The following RALB variants were observed in gnomAD, a reference collection of about 807,000 sequenced individuals.
RALB encodes RAS like proto-oncogene B.
A neutral mutation model predicts 21.3 loss-of-function variants in RALB; 16 were observed. That is an observed-to-expected ratio of 0.75 (90% CI 0.51 to 1.14). The LOEUF (loss-of-function observed/expected upper bound fraction) is 1.14. Among genes scored for constraint, RALB ranks in the 50% most tolerant of loss-of-function variants. RALB has a pLI of 0.00. For synonymous variants in RALB, 93 were observed against 96.1 expected (o/e 0.97, Z 0.19); for missense variants, 161 against 256.2 (o/e 0.63, Z 2.54).
intron 1 of RALB, among the ~76,000 whole-genome samples, chr2:120,266,701 A>G (rs2104605921): frequency 6.6e-6 from 1 of 152,258 alleles, no homozygotes; most frequent in East Asian, 1.9e-4. Flanking sequence ...ACAGAATGAG[A>G]CCTTGTCTTA....
At chr2:120,258,237 T>C (rs1689245779) in intron 1 of RALB, among the ~76,000 whole-genome samples, 1 of 152,248 alleles carries the variant, frequency 6.6e-6, no homozygotes, top group Non-Finnish European at 1.5e-5. Context: ...ATCCCGCCCT[T>C]CCTTACCTCC....
chr2:120,262,940 G>T (rs1689404140), intron 1 of RALB, among the ~76,000 whole-genome samples: 1 of 152,166 alleles, frequency 6.6e-6, no homozygotes, highest in South Asian at 2.1e-4. Context: ...ACGTAGGCAG[G>T]GCAGATATTG....
intron 1 of RALB, among the ~76,000 whole-genome samples, chr2:120,259,746 A>C (rs1442953594): frequency 1.3e-5 from 2 of 152,350 alleles, no homozygotes; most frequent in East Asian, 3.9e-4. Flanking sequence ...TGCGCCATGC[A>C]CTTGCATTCC....
chr2:120,293,137 C>G lies in RALB; in HGVS notation c.502-4C>G. 1 of 1,605,310 alleles carries G rather than the reference C, an allele frequency of 6.2e-7. No individual in the cohort carries two copies. The highest frequency in any genetic ancestry group is 8.5e-7 in the Non-Finnish European group (1 of 1,176,958). On this transcript the variant is annotated splice_region_variant and splice_polypyrimidine_tract_variant and intron_variant, in intron 4 of 4. Coordinates refer to ENST00000272519, the MANE Select transcript of RALB (RefSeq NM_002881.3). ...TCTTTTTACTCTTTACTCCTCACCC[C>G]CAGGTGTTCTTTGACCTAATGAGAG...
At chr2:120,257,529 A>C (rs1156665971) in intron 1 of RALB, among the ~76,000 whole-genome samples, 2 of 151,946 alleles carry the variant, frequency 1.3e-5, no homozygotes, top group Non-Finnish European at 2.9e-5. Flanking sequence ...TTTATAACGA[A>C]TATCCTTTGA....
chr2:120,285,109 G>A (rs192176374), intron 2 of RALB, among the ~76,000 whole-genome samples: 80 of 152,174 alleles, frequency 5.3e-4, no homozygotes, highest in African/African-American at 1.9e-3. Flanking sequence ...ACAGGGCTGG[G>A]GAGGCCTCAG....
chr2:120,294,218 G>A lies in RALB; in HGVS notation c.*958G>A. The A allele has an allele frequency of 2.5e-6, 1 of 398,590 alleles. No individual in the cohort carries two copies. Among genetic ancestry groups the A allele is most frequent in the Non-Finnish European group, 4.4e-6 (1 of 226,064 alleles). The allele number at this position is 398,590 out of a possible 1,614,324, so 24.7% of individuals were successfully genotyped here. On this transcript the variant is annotated 3_prime_UTR_variant, in exon 5 of 5. Coordinates refer to ENST00000272519, the MANE Select transcript of RALB (RefSeq NM_002881.3). ...CTTCCCAAAGACGTGATGAGTTAAA[G>A]TTGTATTCTGAAATCATGAAGCCAG...
intron 1 of RALB, among the ~76,000 whole-genome samples, chr2:120,253,894 G>T (rs1689125901): frequency 6.6e-6 from 1 of 152,170 alleles, no homozygotes; most frequent in Non-Finnish European, 1.5e-5. Flanking sequence ...CATTTCTTCT[G>T]AAGTTTTGGG....
chr2:120,294,395 T>G lies in RALB; in HGVS notation c.*1135T>G. The G allele has an allele frequency of 2.5e-6, 1 of 398,070 alleles. No homozygotes were observed. The highest frequency in any genetic ancestry group is 4.4e-6 in the Non-Finnish European group (1 of 225,896). 24.7% of individuals were successfully genotyped at this position (398,070 alleles called of 1,614,324 possible). A position where few individuals can be genotyped will look rare whatever the true frequency, so the allele number is the denominator to read the frequency against. On this transcript the variant is annotated 3_prime_UTR_variant, in exon 5 of 5. Coordinates refer to ENST00000272519, the MANE Select transcript of RALB (RefSeq NM_002881.3). ...ATTATTTTCTAAGATAGCCAGATAG[T>G]TAGAAAAAGATTTTCATTGATGACA...
At chr2:120,250,942 C>T (rs1230953103), upstream of RALB, among the ~76,000 whole-genome samples, 1 of 152,192 alleles carries the variant, frequency 6.6e-6, no homozygotes, top group African/African-American at 2.4e-5. Context: ...GGAGGAGTCC[C>T]AGTAGGACCC....
intron 1 of RALB, among the ~76,000 whole-genome samples, chr2:120,277,290 C>G (rs113784015): frequency 6.6e-6 from 1 of 151,632 alleles, no homozygotes; most frequent in African/African-American, 2.4e-5. Flanking sequence ...TGTGCGAGAG[C>G]GTGTGTGTTC....
At chr2:120,273,721 C>T (rs1236453838) in intron 1 of RALB, among the ~76,000 whole-genome samples, 1 of 152,234 alleles carries the variant, frequency 6.6e-6, no homozygotes, top group African/African-American at 2.4e-5. Context: ...GGAGTCAGCA[C>T]GTTCAGCTTC....
At chr2:120,274,097 A>T (rs1312585477) in intron 1 of RALB, among the ~76,000 whole-genome samples, 1 of 152,196 alleles carries the variant, frequency 6.6e-6, no homozygotes, top group African/African-American at 2.4e-5. Flanking sequence ...AGACAGCCAT[A>T]ATAATTCATA....
upstream of RALB, among the ~76,000 whole-genome samples, chr2:120,248,561 A>AGCCCTCT (rs11281145): frequency 0.7 from 106,213 of 151,362 alleles, 37,895 homozygotes; most frequent in Middle Eastern, 0.81. Context: ...TACCCTGTCT[A>AGCCCTCT]GGACCCCACT....
intron 1 of RALB, among the ~76,000 whole-genome samples, chr2:120,264,420 G>T (rs1001148273): frequency 2.0e-5 from 3 of 152,138 alleles, no homozygotes; most frequent in African/African-American, 7.2e-5. Context: ...TCAAAGTGCT[G>T]GGATTACAGG....
At chr2:120,243,519 C>T (rs924320439) in intron 1 of RALB, among the ~76,000 whole-genome samples, 2 of 152,266 alleles carry the variant, frequency 1.3e-5, no homozygotes, top group Non-Finnish European at 2.9e-5. Flanking sequence ...ATTGGAGTCC[C>T]CAGCTGTCCT....
At chr2:120,286,878 T>C (rs4564775) in intron 3 of RALB, among the ~76,000 whole-genome samples, 105,999 of 152,120 alleles carry the variant, frequency 0.7, 37,553 homozygotes, top group Middle Eastern at 0.8. Flanking sequence ...AAAGAAAATA[T>C]AGCAGTGAAA....
At chr2:120,258,851 A>G (rs1308180858) in intron 1 of RALB, among the ~76,000 whole-genome samples, 2 of 152,214 alleles carry the variant, frequency 1.3e-5, no homozygotes, top group Non-Finnish European at 2.9e-5. Context: ...GACTTCAAGA[A>G]TGAAGCCGCG....
chr2:120,289,555 C>T (rs770568119), intron 3 of RALB, 25 bp from the exon 4 acceptor site: 8 of 1,602,812 alleles, frequency 5.0e-6, no homozygotes, highest in South Asian at 3.3e-5. Flanking sequence ...TTTTTAGCTG[C>T]TGTATTTTTG....
Sources: allele counts gnomAD v4.1 joint callset (sites outside exome capture counted in the v4.1 genomes callset), GRCh38; gene constraint gnomAD v4.1.1; transcripts MANE v1.5; gene names NCBI Gene and HGNC (gene_info 2026-07-23, HGNC 2026-07-21).